Variants in VPS39 observed in about 807,000 individuals in gnomAD.
VPS39 encodes the protein vam6/Vps39-like protein.
In VPS39, 70 loss-of-function variants were observed where a neutral mutation model predicts 121.0. That is an observed-to-expected ratio of 0.58 (90% CI 0.48 to 0.71). The LOEUF (loss-of-function observed/expected upper bound fraction) is 0.71, where lower values mean the gene tolerates loss of function less well. Ranked by LOEUF, VPS39 falls within the 30% of genes least tolerant of loss-of-function variation. The pLI, the probability that VPS39 is intolerant of heterozygous loss-of-function variation, is 0.00. For missense variants in VPS39, 818 were observed against 1,051.5 expected, an observed-to-expected ratio of 0.78 and a Z score of 3.07; for synonymous variants, 378 against 398.1, an observed-to-expected ratio of 0.95 and a Z score of 0.60.
intron 7 of VPS39, among the ~76,000 whole-genome samples, 178 bp from the exon 8 acceptor site, chr15:42,184,878 T>TA (rs2049668197): frequency 6.6e-6 from 1 of 152,262 alleles, no homozygotes; most frequent in Non-Finnish European, 1.5e-5. Context: ...ACCCGTTCTC[T>TA]AATGCAAAGG....
At chr15:42,164,555 T>C in intron 18 of VPS39, 69 bp from the exon 19 acceptor site, 1 of 1,586,562 alleles carries the variant, frequency 6.3e-7, no homozygotes, top group Non-Finnish European at 8.6e-7. Context: ...TCAAGAAAAA[T>C]GAAGGGAATG....
intron 10 of VPS39, among the ~76,000 whole-genome samples, chr15:42,175,785 A>C (rs1049659540): frequency 6.6e-6 from 1 of 152,038 alleles, no homozygotes; most frequent in Non-Finnish European, 1.5e-5. Flanking sequence ...TTCTCCAGTC[A>C]GGACAGGCTC....
At chr15:42,164,270 G>T in intron 19 of VPS39, 88 bp downstream of exon 19, 1 of 1,553,300 alleles carries the variant, frequency 6.4e-7, no homozygotes. Context: ...CCCAACTTTT[G>T]TGGAGAGTTG....
Position 42,166,241 on chromosome 15 carries a change from A to C in VPS39, c.1607-9T>G. ...ATGCAGGTTTTCTGTGCCTAGAAGG[A>C]AAAGCAGGACTTGTCAGCAGTTGAG... is the stretch of plus-strand genomic sequence containing the variant. On this transcript the variant is annotated splice_polypyrimidine_tract_variant and intron_variant, in intron 15 of 24. Transcript: ENST00000318006. 1.2e-6 allele frequency: 2 copies of C among 1,614,066 alleles called. No homozygotes were observed. Among genetic ancestry groups the C allele is most frequent in the Non-Finnish European group, 1.7e-6 (2 of 1,179,930 alleles).
intron 7 of VPS39, among the ~76,000 whole-genome samples, chr15:42,186,263 C>T (rs1202817031): frequency 2.7e-5 from 4 of 146,804 alleles, no homozygotes; most frequent in Non-Finnish European, 5.9e-5. Context: ...GTGACCCCAT[C>T]TCTACAAAAA....
chr15:42,171,625 C>G (rs923679177), intron 11 of VPS39, among the ~76,000 whole-genome samples: 11 of 152,232 alleles, frequency 7.2e-5, no homozygotes, highest in African/African-American at 2.7e-4. Context: ...ATCCTTTTAA[C>G]CATTTGTAAG....
chr15:42,201,768 G>A (rs771310204), intron 1 of VPS39, among the ~76,000 whole-genome samples: 1 of 152,176 alleles, frequency 6.6e-6, no homozygotes. Context: ...AGGAAGGTAA[G>A]CATGTACAGA....
chr15:42,164,473 G>A lies in VPS39; in HGVS notation c.1911C>T (p.Val637=), dbSNP rs748381164. The A allele has an allele frequency of 3.1e-6, 5 of 1,614,100 alleles. 1 individual carries two copies. The South Asian group carries it at 5.5e-5, about 18-fold the overall frequency. Residue 637 remains valine, a synonymous_variant, in exon 19 of 25, where the codon GTC becomes GTT. Coordinates refer to ENST00000318006, the MANE Select transcript of VPS39 (RefSeq NM_015289.5). Reference sequence around the variant, plus strand: ...GCTCACCCTCTTCCTCTCCAGCTGGGACTGGGGTTTTGCCTTTAAGGGAAA... The same window carrying A: ...GCTCACCCTCTTCCTCTCCAGCTGGAACTGGGGTTTTGCCTTTAAGGGAAA... ...LLSFPAGKTP[V]PAGEEEGELG...
At position 42,184,616 on chromosome 15, in the gene VPS39, C is replaced by T; in HGVS notation, c.619G>A (p.Val207Met). 2 of 1,614,210 alleles carry T rather than the reference C, an allele frequency of 1.2e-6. No homozygotes were observed. Among genetic ancestry groups the T allele is most frequent in the Non-Finnish European group, 1.7e-6 (2 of 1,180,030 alleles). The change falls in exon 8 of 25, where the codon GTG becomes ATG. Residue 207 changes from valine to methionine, a missense_variant. Physicochemically the swap from Val to Met is conservative, Grantham distance 21. Coordinates refer to ENST00000318006, the MANE Select transcript of VPS39 (RefSeq NM_015289.5). ...GTGAGATCATCCTGGCCCACAGCCA[C>T]TTTTCCATCTGCCAGAGGTGCAACT... ...PLVAPLADGKVAVGQDDLTVV... is the reference protein window; with the variant it reads ...PLVAPLADGKMAVGQDDLTVV...
intron 6 of VPS39, among the ~76,000 whole-genome samples, 162 bp from the exon 7 acceptor site, chr15:42,187,525 G>C (rs2140873266): frequency 6.6e-6 from 1 of 152,226 alleles, no homozygotes; most frequent in African/African-American, 2.4e-5. Flanking sequence ...AAAAATACAA[G>C]TCCATGAACT....
intron 9 of VPS39, 42 bp downstream of exon 9, chr15:42,178,408 T>C (rs2140858996): frequency 1.2e-6 from 2 of 1,613,906 alleles, no homozygotes; most frequent in African/African-American, 1.3e-5. Context: ...CTTTACAACT[T>C]TGGGATAATA....
At position 42,187,667 on chromosome 15, in the gene VPS39, A is replaced by C. The variant is rs76678000; in HGVS notation, c.441+91T>G. 1.9e-4 allele frequency: 217 copies of C among 1,143,812 alleles called. 1 individual carries two copies. The East Asian group carries it at 4.2e-3, about 22-fold the overall frequency. The allele number at this position is 1,143,812 out of a possible 1,614,324, so 70.9% of individuals were successfully genotyped here. A position where few individuals can be genotyped will look rare whatever the true frequency, so the allele number is the denominator to read the frequency against. On this transcript the variant is annotated intron_variant, in intron 6 of 24. Coordinates refer to ENST00000318006, the MANE Select transcript of VPS39 (RefSeq NM_015289.5). ...TTCATACCAGAGTATTCATTTGCGT[A>C]GAATGACAAGACTGGAGTCCTGAAC...
intron 5 of VPS39, among the ~76,000 whole-genome samples, chr15:42,188,366 TGAA>T (rs2049748164): frequency 6.6e-6 from 1 of 152,176 alleles, no homozygotes; most frequent in African/African-American, 2.4e-5. Context: ...AGGCAGATTC[TGAA>T]GAATAAAAGA....
At chr15:42,166,447 AT>A in intron 15 of VPS39, 115 bp downstream of exon 15, 1 of 1,268,182 alleles carries the variant, frequency 7.9e-7, no homozygotes, top group Non-Finnish European at 1.1e-6. Context: ...GAGGAATGAA[AT>A]TGAGTGAACA....
intron 7 of VPS39, among the ~76,000 whole-genome samples, chr15:42,185,758 G>T (rs2049688454): frequency 6.6e-6 from 1 of 152,196 alleles, no homozygotes; most frequent in African/African-American, 2.4e-5. Context: ...ACTTCAATAT[G>T]AGGGAATTTT....
chr15:42,177,610 T>C (rs1020574064), intron 10 of VPS39, among the ~76,000 whole-genome samples: 4 of 152,214 alleles, frequency 2.6e-5, no homozygotes, highest in African/African-American at 9.6e-5. Flanking sequence ...AATGTCTCCA[T>C]TATCTTTAAT....
At chr15:42,187,706 A>AG in intron 6 of VPS39, 52 bp downstream of exon 6, 1 of 1,537,080 alleles carries the variant, frequency 6.5e-7, no homozygotes, top group Non-Finnish European at 9.0e-7. Context: ...ACTAGAACCG[A>AG]GCCACTGCAG....
At chr15:42,164,850 C>T in intron 18 of VPS39, 146 bp downstream of exon 18, 1 of 1,453,142 alleles carries the variant, frequency 6.9e-7, no homozygotes, top group African/African-American at 1.4e-5. Flanking sequence ...AGGCTTGTGT[C>T]ACTTAGCTCC....
intron 7 of VPS39, among the ~76,000 whole-genome samples, chr15:42,185,185 T>TC (rs1264889345): frequency 6.6e-6 from 1 of 151,624 alleles, no homozygotes; most frequent in African/African-American, 2.4e-5. Flanking sequence ...CAACTTTTTT[T>TC]TTTTTTTTTT....
Sources: allele counts gnomAD v4.1 joint callset (sites outside exome capture counted in the v4.1 genomes callset), GRCh38; gene constraint gnomAD v4.1.1; transcripts MANE v1.5; gene names NCBI Gene and HGNC (gene_info 2026-07-23, HGNC 2026-07-21).